PPP1R9A: variants seen among roughly 807,000 people sequenced by gnomAD.
The protein encoded by PPP1R9A is protein phosphatase 1 regulatory subunit 9A.
PPP1R9A carries 59 observed loss-of-function variants against 141.9 expected under a neutral mutation model. The ratio of observed to expected loss-of-function variants is 0.42; its 90% CI spans 0.34 to 0.52. The LOEUF is 0.52. PPP1R9A is among the 20% of genes least tolerant of loss of function. The pLI, the probability that PPP1R9A is intolerant of heterozygous loss-of-function variation, is 0.10. For missense variants in PPP1R9A, 1,444 were observed against 1,611.9 expected (o/e 0.90, Z 1.78); for synonymous variants, 500 against 569.7 (o/e 0.88, Z 1.74).
intron 2 of PPP1R9A, among the ~76,000 whole-genome samples, chr7:94,943,848 GA>G (rs1795597598): frequency 6.6e-6 from 1 of 152,234 alleles, no homozygotes; most frequent in East Asian, 1.9e-4. Context: ...GTGATGTTGA[GA>G]AAATCAGTGA....
intron 2 of PPP1R9A, among the ~76,000 whole-genome samples, chr7:94,954,649 T>G (rs1210506654): frequency 6.6e-6 from 1 of 151,658 alleles, no homozygotes; most frequent in East Asian, 1.9e-4. Flanking sequence ...ATTATTAATA[T>G]ATTTGTGATT....
intron 2 of PPP1R9A, among the ~76,000 whole-genome samples, chr7:94,981,664 A>G (rs1236193085): frequency 6.6e-6 from 1 of 152,168 alleles, no homozygotes; most frequent in East Asian, 1.9e-4. Flanking sequence ...TCTTCATCTT[A>G]GGCTATTATA....
At position 94,927,572 on chromosome 7, in the gene PPP1R9A, C is replaced by G. The variant is rs17166534; in HGVS notation, c.1395+16064C>G. On this transcript the variant is annotated intron_variant, in intron 2 of 19. Transcript: ENST00000433360. ...GTTATGCTACAGCTATTTAGAGAAG[C>G]ATTGTCTTCTGAGTTGATTGATAAA... 5.2e-3 allele frequency among the ~76,000 whole-genome samples: 787 copies of G among 152,188 alleles called. 9 individuals carry two copies. Among genetic ancestry groups the G allele is most frequent in the African/African-American group, 0.018 (731 of 41,516 alleles).
chr7:94,939,158 G>A (rs557423646), intron 2 of PPP1R9A, among the ~76,000 whole-genome samples: 1 of 152,202 alleles, frequency 6.6e-6, no homozygotes, highest in East Asian at 1.9e-4. Flanking sequence ...CTTACTAGTT[G>A]TATGACTTTG....
In PPP1R9A at chr7:95,025,689, CCT is replaced by C. The variant is rs147115320; in HGVS notation, c.1396-85569_1396-85568del. Among the ~76,000 whole-genome samples the C allele has an allele frequency of 0.017, 2,568 of 152,216 alleles. 252 individuals carry two copies. The East Asian group carries it at 0.28, about 17-fold the overall frequency. On this transcript the variant is annotated intron_variant, in intron 2 of 19. Transcript: ENST00000433360. ...TGTTTTCCGACTTGGTTCCATTCCCCCTGTCACTTTCAGGTACACCAATCAAC... is the reference window on the plus strand; with the variant it reads ...TGTTTTCCGACTTGGTTCCATTCCCCGTCACTTTCAGGTACACCAATCAAC...
intron 2 of PPP1R9A, among the ~76,000 whole-genome samples, chr7:95,108,000 G>A (rs2152429809): frequency 6.6e-6 from 1 of 152,124 alleles, no homozygotes; most frequent in Non-Finnish European, 1.5e-5. Context: ...TAATTACTAA[G>A]TGTTTTATTG....
intron 2 of PPP1R9A, among the ~76,000 whole-genome samples, chr7:94,975,407 G>C (rs893910487): frequency 4.3e-5 from 6 of 141,036 alleles, no homozygotes; most frequent in African/African-American, 1.5e-4. Context: ...CTTGAAGCTA[G>C]AGGTCTTTGA....
intron 2 of PPP1R9A, among the ~76,000 whole-genome samples, chr7:94,994,110 GA>G (rs1404276682): frequency 6.6e-6 from 1 of 152,016 alleles, no homozygotes; most frequent in Non-Finnish European, 1.5e-5. Context: ...AAGACCCAGG[GA>G]AAACTGTGTA....
At chr7:95,149,941 T>C (rs1363813776) in intron 4 of PPP1R9A, among the ~76,000 whole-genome samples, 1 of 151,970 alleles carries the variant, frequency 6.6e-6, no homozygotes, top group African/African-American at 2.4e-5. Context: ...GTGACATTAG[T>C]TGACTTCAAG....
At chr7:95,062,021 A>G (rs1338471874) in intron 2 of PPP1R9A, among the ~76,000 whole-genome samples, 1 of 152,218 alleles carries the variant, frequency 6.6e-6, no homozygotes, top group Non-Finnish European at 1.5e-5. Context: ...AGGCAGTGTA[A>G]TTGAGGAGAA....
chr7:94,944,413 C>T (rs1029639948), intron 2 of PPP1R9A, among the ~76,000 whole-genome samples: 3 of 151,888 alleles, frequency 2.0e-5, no homozygotes, highest in African/African-American at 4.8e-5. Flanking sequence ...AAACATTTAG[C>T]GAAGTAGTTT....
chr7:95,188,253 T>A (rs141315385), intron 5 of PPP1R9A, among the ~76,000 whole-genome samples: 1 of 152,238 alleles, frequency 6.6e-6, no homozygotes, highest in African/African-American at 2.4e-5. Context: ...TTGTCTTTTT[T>A]AACTGTTGTT....
intron 2 of PPP1R9A, among the ~76,000 whole-genome samples, chr7:95,027,468 G>T (rs1807038481): frequency 6.6e-6 from 1 of 152,180 alleles, no homozygotes; most frequent in Non-Finnish European, 1.5e-5. Flanking sequence ...TGGAAATGCA[G>T]AAATCACCCA....
At chr7:95,173,731 A>G (rs963007900) in intron 5 of PPP1R9A, among the ~76,000 whole-genome samples, 5 of 152,098 alleles carry the variant, frequency 3.3e-5, no homozygotes, top group Non-Finnish European at 7.4e-5. Context: ...TTAAAGAGAC[A>G]GTTCATCAAA....
intron 2 of PPP1R9A, among the ~76,000 whole-genome samples, chr7:94,981,693 T>C (rs1180048903): frequency 6.6e-6 from 1 of 152,186 alleles, no homozygotes; most frequent in African/African-American, 2.4e-5. Flanking sequence ...TGTACATATA[T>C]TCTAATACAA....
chr7:95,169,766 G>GT (rs1470805352), intron 5 of PPP1R9A, among the ~76,000 whole-genome samples: 1 of 151,774 alleles, frequency 6.6e-6, no homozygotes, highest in African/African-American at 2.4e-5. Context: ...AGAAAGATTT[G>GT]TTTTTTAGTA....
intron 12 of PPP1R9A, among the ~76,000 whole-genome samples, chr7:95,258,529 A>G (rs1186242046): frequency 1.3e-5 from 2 of 152,164 alleles, no homozygotes; most frequent in Non-Finnish European, 2.9e-5. Context: ...AGTAATATTA[A>G]GAAAATCTGA....
At chr7:94,991,147 A>G (rs1041505581) in intron 2 of PPP1R9A, among the ~76,000 whole-genome samples, 6 of 152,070 alleles carry the variant, frequency 3.9e-5, no homozygotes, top group African/African-American at 1.4e-4. Context: ...TTCCATTCCC[A>G]CCAATAGTGT....
chr7:95,053,854 C>G (rs1811130848), intron 2 of PPP1R9A, among the ~76,000 whole-genome samples: 1 of 152,144 alleles, frequency 6.6e-6, no homozygotes, highest in Non-Finnish European at 1.5e-5. Flanking sequence ...CTTTGGAAAG[C>G]TCCCTAACAA....
Sources: allele counts gnomAD v4.1 joint callset (sites outside exome capture counted in the v4.1 genomes callset), GRCh38; gene constraint gnomAD v4.1.1; transcripts MANE v1.5; gene names NCBI Gene and HGNC (gene_info 2026-07-23, HGNC 2026-07-21).